DTWD1: variants seen among roughly 807,000 people sequenced by gnomAD.
The protein encoded by DTWD1 is DTW motif tRNA-uridine aminocarboxypropyltransferase 1, also known as tRNA-uridine aminocarboxypropyltransferase 1.
In DTWD1, 27 loss-of-function variants were observed where a neutral mutation model predicts 30.2. The ratio of observed to expected loss-of-function variants is 0.90; its 90% CI spans 0.66 to 1.23. The LOEUF (loss-of-function observed/expected upper bound fraction) is 1.23, where lower values mean the gene tolerates loss of function less well. Ranked by LOEUF, DTWD1 falls within the 50% of genes most tolerant of loss-of-function variation. DTWD1 has a pLI of 0.00. For missense variants in DTWD1, 342 were observed against 348.8 expected, an observed-to-expected ratio of 0.98 and a Z score of 0.15; for synonymous variants, 99 against 113.1, an observed-to-expected ratio of 0.88 and a Z score of 0.79.
rs1386537161 is a variant in DTWD1, at chr15:49,649,983, AG to A, written c.*6407del. The A allele has an allele frequency of 4.0e-5, 6 of 151,202 alleles. No individual in the cohort carries two copies. In the East Asian group the frequency reaches 1.2e-3, roughly 29 times the overall value. The allele number at this position is 151,202 out of a possible 1,614,324, so 9.4% of individuals were successfully genotyped here. A position where few individuals can be genotyped will look rare whatever the true frequency, so the allele number is the denominator to read the frequency against. On this transcript the variant is annotated 3_prime_UTR_variant, in exon 5 of 5. Coordinates refer to ENST00000403028, the MANE Select transcript of DTWD1 (RefSeq NM_001144955.2). ...TGGTCAGATGGAAAAGCCTGTGATA[AG>A]GTAAAATTGAGCAGAGACCTAAATG...
intron 3 of DTWD1, among the ~76,000 whole-genome samples, chr15:49,633,049 C>CTATATATATCTATATA (rs2078948251): frequency 3.4e-5 from 4 of 117,342 alleles, no homozygotes; most frequent in Middle Eastern, 4.3e-3. Flanking sequence ...ATATCTATAT[C>CTATATATATCTATATA]TATATATATA....
rs1271765504 is a variant in DTWD1 at position 49,648,080 on chromosome 15, T to C, written c.*4502T>C. On this transcript the variant is annotated 3_prime_UTR_variant, in exon 5 of 5. Coordinates refer to ENST00000403028, the MANE Select transcript of DTWD1 (RefSeq NM_001144955.2). ...TTAAAAACCTTAAGAGGAAAGGCAA[T>C]AGAGCTTGTAACAGCTATTACCCTT... 1 of 152,090 alleles carries C rather than the reference T, an allele frequency of 6.6e-6. No homozygotes were observed. Among genetic ancestry groups the C allele is most frequent in the Non-Finnish European group, 1.5e-5 (1 of 68,008 alleles). The allele number at this position is 152,090 out of a possible 1,614,324, so 9.4% of individuals were successfully genotyped here. A position where few individuals can be genotyped will look rare whatever the true frequency, so the allele number is the denominator to read the frequency against.
chr15:49,643,596 A>C lies in DTWD1; in HGVS notation c.*18A>C. ...CACATTAGTTTTTAACAAGCCACTT[A>C]TGTCTTTTTATTTTGCTAACATTAA... On this transcript the variant is annotated 3_prime_UTR_variant, in exon 5 of 5. Transcript: ENST00000403028. 1 of 1,556,640 alleles carries C rather than the reference A, an allele frequency of 6.4e-7. No homozygotes were observed. The highest frequency in any genetic ancestry group is 8.6e-7 in the Non-Finnish European group (1 of 1,156,160).
chr15:49,641,921 A>G (rs994350198), intron 4 of DTWD1, among the ~76,000 whole-genome samples: 1 of 151,924 alleles, frequency 6.6e-6, no homozygotes, highest in Non-Finnish European at 1.5e-5. Context: ...ATTTGTTTAT[A>G]TTTATCCTGC....
chr15:49,650,415 A>T lies in DTWD1; in HGVS notation c.*6837A>T, dbSNP rs1208635776. 1 of 152,164 alleles carries T rather than the reference A, an allele frequency of 6.6e-6. No individual in the cohort carries two copies. Among genetic ancestry groups the T allele is most frequent in the African/African-American group, 2.4e-5 (1 of 41,434 alleles). The allele number at this position is 152,164 out of a possible 1,614,324, so 9.4% of individuals were successfully genotyped here. A position where few individuals can be genotyped will look rare whatever the true frequency, so the allele number is the denominator to read the frequency against. ...GCTATTTCAGTAGTCCATTTGAGAG[A>T]TGATATTTGCCTGGACAAGGGTTGT... On this transcript the variant is annotated 3_prime_UTR_variant, in exon 5 of 5. Coordinates refer to ENST00000403028, the MANE Select transcript of DTWD1 (RefSeq NM_001144955.2).
At chr15:49,623,137 G>A (rs2078790992) in intron 1 of DTWD1, among the ~76,000 whole-genome samples, 1 of 152,022 alleles carries the variant, frequency 6.6e-6, no homozygotes, top group Admixed American at 6.6e-5. Flanking sequence ...ACTATGCCTG[G>A]GCCTTTGAGT....
chr15:49,629,992 C>T (rs1034968805), intron 2 of DTWD1: 2 of 152,146 alleles, frequency 1.3e-5, no homozygotes, highest in African/African-American at 2.4e-5. Flanking sequence ...TATTTAGTAG[C>T]TGCTCCATTC....
At chr15:49,634,444 A>G in intron 3 of DTWD1, 92 bp from the exon 4 acceptor site, 1 of 1,357,336 alleles carries the variant, frequency 7.4e-7, no homozygotes, top group Non-Finnish European at 9.9e-7. Flanking sequence ...TCAGATATTC[A>G]ACATATCTTT....
chr15:49,655,568 AT>A lies in DTWD1; in HGVS notation c.*11992del, dbSNP rs1487881758. 6.6e-6 allele frequency: 1 copy of A among 152,046 alleles called. No individual in the cohort carries two copies. Among genetic ancestry groups the A allele is most frequent in the African/African-American group, 2.4e-5 (1 of 41,430 alleles). 9.4% of individuals were successfully genotyped at this position (152,046 alleles called of 1,614,324 possible). A position where few individuals can be genotyped will look rare whatever the true frequency, so the allele number is the denominator to read the frequency against. On this transcript the variant is annotated 3_prime_UTR_variant, in exon 5 of 5. Transcript: ENST00000403028. ...AAGCAACTTCTATAAATATTGAGAC[AT>A]TCCCTTTCTACCTTTGGCTAAGAAT...
At position 49,654,922 on chromosome 15, in the gene DTWD1, G is replaced by T. The variant is rs1020989869; in HGVS notation, c.*11344G>T. On this transcript the variant is annotated 3_prime_UTR_variant, in exon 5 of 5. Transcript: ENST00000403028. ...GTGTTTAGTGGGCGCTCCCTTCCTGGTTTGCAGACAGCCATCTTCCTGCTA... is the reference window on the plus strand; with the variant it reads ...GTGTTTAGTGGGCGCTCCCTTCCTGTTTTGCAGACAGCCATCTTCCTGCTA... The T allele has an allele frequency of 3.9e-5, 6 of 152,022 alleles. No homozygotes were observed. The highest frequency in any genetic ancestry group is 8.8e-5 in the Non-Finnish European group (6 of 67,984). The allele number at this position is 152,022 out of a possible 1,614,324, so 9.4% of individuals were successfully genotyped here.
intron 3 of DTWD1, among the ~76,000 whole-genome samples, 168 bp from the exon 4 acceptor site, chr15:49,634,368 G>A (rs1179378491): frequency 6.6e-6 from 1 of 151,952 alleles, no homozygotes; most frequent in East Asian, 1.9e-4. Flanking sequence ...TACTAGGGGA[G>A]AGCCAAAAAC....
intron 3 of DTWD1, among the ~76,000 whole-genome samples, chr15:49,633,043 C>CTATCTATATATATATATATATATATATA (rs1555588572): frequency 6.2e-5 from 8 of 129,462 alleles, no homozygotes; most frequent in South Asian, 2.5e-4. Context: ...CTATTTATAT[C>CTATCTATATATATATATATATATATATA]TATATCTATA....
In DTWD1 at chr15:49,647,349, A is replaced by G. The variant is rs1244667960; in HGVS notation, c.*3771A>G. 1 of 152,136 alleles carries G rather than the reference A, an allele frequency of 6.6e-6. No homozygotes were observed. The highest frequency in any genetic ancestry group is 1.5e-5 in the Non-Finnish European group (1 of 68,016). 9.4% of individuals were successfully genotyped at this position (152,136 alleles called of 1,614,324 possible). A position where few individuals can be genotyped will look rare whatever the true frequency, so the allele number is the denominator to read the frequency against. On this transcript the variant is annotated 3_prime_UTR_variant, in exon 5 of 5. Transcript: ENST00000403028. ...ATGATCACATTTTATTTGATGAGAA[A>G]CAATTTTATTTTCTAGTTCTGCATA...
chr15:49,624,536 T>G (rs574128267), intron 1 of DTWD1, among the ~76,000 whole-genome samples: 1 of 152,332 alleles, frequency 6.6e-6, no homozygotes, highest in East Asian at 1.9e-4. Flanking sequence ...TCTGTAAATT[T>G]TTAAAATTTA....
rs1165260202 is a variant in DTWD1, at chr15:49,653,529, C to G, written c.*9951C>G. On this transcript the variant is annotated 3_prime_UTR_variant, in exon 5 of 5. Coordinates refer to ENST00000403028, the MANE Select transcript of DTWD1 (RefSeq NM_001144955.2). ...ACACTATAATACATGTGGCAAGAAG[C>G]TGCCAGCTAAGCCTTGAAGAATAGT... 3 of 152,132 alleles carry G rather than the reference C, an allele frequency of 2.0e-5. No individual in the cohort carries two copies. The East Asian group carries it at 5.8e-4, about 29-fold the overall frequency. 9.4% of individuals were successfully genotyped at this position (152,132 alleles called of 1,614,324 possible). A position where few individuals can be genotyped will look rare whatever the true frequency, so the allele number is the denominator to read the frequency against.
chr15:49,624,936 T>C (rs537611587), intron 1 of DTWD1, among the ~76,000 whole-genome samples, 177 bp from the exon 2 acceptor site: 1 of 152,348 alleles, frequency 6.6e-6, no homozygotes, highest in African/African-American at 2.4e-5. Context: ...GAAATAACTT[T>C]CAGTTTATTG....
intron 4 of DTWD1, among the ~76,000 whole-genome samples, chr15:49,637,211 A>G (rs567772667): frequency 6.6e-5 from 10 of 152,196 alleles, no homozygotes; most frequent in East Asian, 1.9e-4. Flanking sequence ...TTAATTCAAT[A>G]TGCTATAATA....
intron 4 of DTWD1, among the ~76,000 whole-genome samples, chr15:49,636,804 T>C (rs1456905568): frequency 6.6e-6 from 1 of 152,210 alleles, no homozygotes; most frequent in Non-Finnish European, 1.5e-5. Context: ...TCATACTTTA[T>C]TGTTGCATCA....
chr15:49,631,921 TTC>T, intron 2 of DTWD1: 1 of 474,660 alleles, frequency 2.1e-6, no homozygotes, highest in Non-Finnish European at 3.8e-6. Context: ...TAAGAGAAGA[TTC>T]TCTGTTAAAT....
Sources: gnomAD v4.1 joint callset for allele counts (sites outside exome capture counted in the v4.1 genomes callset) on GRCh38, gnomAD v4.1.1 for gene constraint, MANE v1.5 for transcripts, NCBI Gene and HGNC (gene_info 2026-07-23, HGNC 2026-07-21) for gene names.